The following FEM1C variants were observed in gnomAD, a reference collection of about 807,000 sequenced individuals.
The protein encoded by FEM1C is protein fem-1 homolog C.
Under a neutral mutation model 37.6 loss-of-function variants are expected in FEM1C, and 15 were observed. The ratio of observed to expected loss-of-function variants is 0.40; its 90% CI spans 0.27 to 0.61. FEM1C has a LOEUF of 0.61. Ranked by LOEUF, FEM1C falls within the 20% of genes least tolerant of loss-of-function variation. FEM1C has a pLI of 0.42. For synonymous variants in FEM1C, 287 were observed against 272.8 expected (o/e 1.05, Z -0.51); for missense variants, 532 against 749.7 (o/e 0.71, Z 3.39).
Position 115,543,347 on chromosome 5 carries a change from G to A in FEM1C, c.147C>T (p.Ala49=). The A allele has an allele frequency of 6.2e-7, 1 of 1,614,190 alleles. No homozygotes were observed. The highest frequency in any genetic ancestry group is 8.5e-7 in the Non-Finnish European group (1 of 1,180,022). ...CCACCATGTCAAGGTGCCCATACCTGGCGGCCATCAAGAGTGGCGTGGCCC... is the reference window on the plus strand; with the variant it reads ...CCACCATGTCAAGGTGCCCATACCTAGCGGCCATCAAGAGTGGCGTGGCCC... ...TNGATPLLMA[A]RYGHLDMVEF... is the part of the protein sequence containing the mutation. Residue 49 remains alanine, a synonymous_variant, in exon 2 of 3, where the codon GCC becomes GCT. Coordinates refer to ENST00000274457, the MANE Select transcript of FEM1C (RefSeq NM_020177.3).
At chr5:115,528,480 A>G (rs1257745624) in intron 2 of FEM1C, among the ~76,000 whole-genome samples, 1 of 152,132 alleles carries the variant, frequency 6.6e-6, no homozygotes, top group African/African-American at 2.4e-5. Flanking sequence ...TAAACCTCCA[A>G]CTTTAACCCT....
chr5:115,539,150 C>G (rs1754188612), intron 2 of FEM1C, among the ~76,000 whole-genome samples: 1 of 152,040 alleles, frequency 6.6e-6, no homozygotes. Context: ...TCTAAACTGA[C>G]TGATGAATGA....
In FEM1C at chr5:115,525,584, C is replaced by A; in HGVS notation, c.578G>T (p.Gly193Val). 6.2e-7 allele frequency: 1 copy of A among 1,613,242 alleles called. No individual in the cohort carries two copies. Among genetic ancestry groups the A allele is most frequent in the Non-Finnish European group, 8.5e-7 (1 of 1,179,620 alleles). ...AAGCATCTTCATGATGTCCAAACTT[C>A]CAGATTCTGCACAATCATGCAATGC... Reference protein sequence around the residue: ...NTALHDCAESGSLDIMKMLLM... With the variant: ...NTALHDCAESVSLDIMKMLLM... The change falls in exon 3 of 3, where the codon GGA becomes GTA. Residue 193 changes from glycine to valine, a missense_variant. Transcript: ENST00000274457.
At chr5:115,527,581 T>C (rs1015240448) in intron 2 of FEM1C, among the ~76,000 whole-genome samples, 1 of 152,156 alleles carries the variant, frequency 6.6e-6, no homozygotes, top group African/African-American at 2.4e-5. Flanking sequence ...CACTCTTTTG[T>C]ATTAAGGACC....
Position 115,543,101 on chromosome 5 carries a change from T to A in FEM1C, c.393A>T (p.Ile131=). The change falls in exon 2 of 3, where the codon ATA becomes ATT. Residue 131 remains isoleucine (I), a synonymous_variant. Transcript: ENST00000274457. ...RAACFDGHLE[I]VKYLVEHKAD... is the part of the protein sequence containing the mutation. ...CTTTGTGTTCTACAAGGTACTTCAC[T>A]ATTTCCAAATGGCCATCGAAACACG... The A allele has an allele frequency of 6.2e-7, 1 of 1,614,250 alleles. No individual in the cohort carries two copies. The highest frequency in any genetic ancestry group is 8.5e-7 in the Non-Finnish European group (1 of 1,180,040).
At position 115,523,301 on chromosome 5, in the gene FEM1C, A is replaced by G. The variant is rs191101915; in HGVS notation, c.*1007T>C. 1 of 152,624 alleles carries G rather than the reference A, an allele frequency of 6.6e-6. No homozygotes were observed. The highest frequency in any genetic ancestry group is 1.5e-5 in the Non-Finnish European group (1 of 67,960). The allele number at this position is 152,624 out of a possible 1,614,324, so 9.5% of individuals were successfully genotyped here. On this transcript the variant is annotated 3_prime_UTR_variant, in exon 3 of 3. Coordinates refer to ENST00000274457, the MANE Select transcript of FEM1C (RefSeq NM_020177.3). ...GTAACTAAAAGTGATTTGCAGTTCA[A>G]TTACTGAGTATTTCAATGTGACTCA...
chr5:115,537,116 T>C (rs1371670488), intron 2 of FEM1C, among the ~76,000 whole-genome samples: 1 of 152,018 alleles, frequency 6.6e-6, no homozygotes, highest in African/African-American at 2.4e-5. Flanking sequence ...CATGTTCTGA[T>C]CAGATTTGCA....
chr5:115,532,256 A>C (rs1754031724), intron 2 of FEM1C, among the ~76,000 whole-genome samples: 1 of 152,146 alleles, frequency 6.6e-6, no homozygotes, highest in Non-Finnish European at 1.5e-5. Flanking sequence ...GTCTATTCTT[A>C]AAGTATACAG....
chr5:115,529,510 T>C (rs1226869308), intron 2 of FEM1C, among the ~76,000 whole-genome samples: 1 of 152,088 alleles, frequency 6.6e-6, no homozygotes, highest in Non-Finnish European at 1.5e-5. Context: ...AATTAAGATA[T>C]TTATTACCAG....
rs1262323402 is a variant in FEM1C, at chr5:115,521,671, T to G, written c.*2637A>C. On this transcript the variant is annotated 3_prime_UTR_variant, in exon 3 of 3. Transcript: ENST00000274457. Reference sequence around the variant, plus strand: ...TTAACTCCAGTCAATAACACCGTGCTACAGTGTACAGTTTAGTTAGACTCA... The same window carrying G: ...TTAACTCCAGTCAATAACACCGTGCGACAGTGTACAGTTTAGTTAGACTCA... The G allele has an allele frequency of 6.6e-6, 1 of 151,878 alleles. No individual in the cohort carries two copies. The allele number at this position is 151,878 out of a possible 1,614,324, so 9.4% of individuals were successfully genotyped here.
At chr5:115,538,162 T>C (rs954674619) in intron 2 of FEM1C, among the ~76,000 whole-genome samples, 4 of 152,034 alleles carry the variant, frequency 2.6e-5, no homozygotes, top group Non-Finnish European at 5.9e-5. Flanking sequence ...GATGAATACA[T>C]AGTGGTTCAA....
chr5:115,535,974 T>C (rs905159812), intron 2 of FEM1C, among the ~76,000 whole-genome samples: 3 of 151,954 alleles, frequency 2.0e-5, no homozygotes, highest in Admixed American at 6.6e-5. Context: ...AAAGACTACA[T>C]ATTATGTGAT....
intron 2 of FEM1C, among the ~76,000 whole-genome samples, chr5:115,533,860 A>C (rs1295831665): frequency 6.6e-6 from 1 of 151,928 alleles, no homozygotes; most frequent in Non-Finnish European, 1.5e-5. Context: ...GAAAAAGAAA[A>C]ACATATTATA....
intron 1 of FEM1C, 76 bp from the exon 2 acceptor site, chr5:115,543,759 T>A (rs1754293277): frequency 1.6e-6 from 2 of 1,248,048 alleles, no homozygotes; most frequent in Non-Finnish European, 2.0e-6. Flanking sequence ...TTTCCACTTC[T>A]GTGGGAAGAA....
chr5:115,531,565 G>A (rs907876410), intron 2 of FEM1C, among the ~76,000 whole-genome samples: 1 of 151,916 alleles, frequency 6.6e-6, no homozygotes, highest in Non-Finnish European at 1.5e-5. Context: ...AAACTTTTCC[G>A]GTAAAAGGCC....
chr5:115,525,427 A>C lies in FEM1C; in HGVS notation c.735T>G (p.Ile245Met). The C allele has an allele frequency of 3.1e-6, 5 of 1,613,710 alleles. 1 individual carries two copies. In the South Asian group the frequency reaches 5.5e-5, roughly 18 times the overall value. ...TAGCTCCCAGAAGCTCTAGAGCATT[A>C]ATACGTTCTGTCTTGCTGGTCTGTG... ...HHAQTSKTER[I>M]NALELLGATF... Residue 245 changes from isoleucine to methionine, a missense_variant, in exon 3 of 3, where the codon ATT (isoleucine) becomes ATG (methionine). By Grantham distance (10) the Ile-to-Met change is conservative. Coordinates refer to ENST00000274457, the MANE Select transcript of FEM1C (RefSeq NM_020177.3).
rs1263069172 is a variant in FEM1C, at chr5:115,524,496, C to T, written c.1666G>A (p.Ala556Thr). Residue 556 changes from alanine (A) to threonine (T), a missense_variant, in exon 3 of 3, where the codon GCC becomes ACC. By Grantham distance (58) the Ala-to-Thr change is moderately conservative. Coordinates refer to ENST00000274457, the MANE Select transcript of FEM1C (RefSeq NM_020177.3). ...GCAGTTTGTTTGTGCAAGTTTGTGG[C>T]ATCAAAATGTGCACCTGATTTAATA... Reference protein sequence around the residue: ...LLIKSGAHFDATNLHKQTASD... With the variant: ...LLIKSGAHFDTTNLHKQTASD... 8 of 1,612,454 alleles carry T rather than the reference C, an allele frequency of 5.0e-6. No homozygotes were observed. The highest frequency in any genetic ancestry group is 1.7e-6 in the Non-Finnish European group (2 of 1,179,204).
chr5:115,529,422 A>G (rs1421237212), intron 2 of FEM1C, among the ~76,000 whole-genome samples: 1 of 152,120 alleles, frequency 6.6e-6, no homozygotes, highest in African/African-American at 2.4e-5. Flanking sequence ...CTGCCAACTT[A>G]GAAAAAATTC....
chr5:115,543,221 A>G lies in FEM1C; in HGVS notation c.273T>C (p.Ser91=). 3 of 1,614,266 alleles carry G rather than the reference A, an allele frequency of 1.9e-6. No individual in the cohort carries two copies. Among genetic ancestry groups the G allele is most frequent in the Non-Finnish European group, 2.5e-6 (3 of 1,180,052 alleles). The part of the protein sequence containing the change: ...IEGAPPLWAA[S]AAGHLKVVQS... ...GGACCACCTTCAGATGTCCTGCTGC[A>G]GAAGCGGCCCATAAAGGGGGAGCCC... is the stretch of plus-strand genomic sequence containing the variant. The change falls in exon 2 of 3, where the codon TCT becomes TCC. Residue 91 remains serine (S), a synonymous_variant. Transcript: ENST00000274457.
Sources: allele counts gnomAD v4.1 joint callset (sites outside exome capture counted in the v4.1 genomes callset), GRCh38; gene constraint gnomAD v4.1.1; transcripts MANE v1.5; gene names NCBI Gene and HGNC (gene_info 2026-07-23, HGNC 2026-07-21).